Variants in IMPG1 observed in about 807,000 individuals in gnomAD.
IMPG1 encodes interphotoreceptor matrix proteoglycan of 150 kDa.
Under a neutral mutation model 92.0 loss-of-function variants are expected in IMPG1, and 85 were observed. That is an observed-to-expected ratio of 0.92 (90% CI 0.78 to 1.11). The LOEUF is 1.11. Ranked by LOEUF, IMPG1 falls within the 50% of genes least tolerant of loss-of-function variation. The pLI is 0.00. For missense variants in IMPG1, 1,022 were observed against 956.0 expected (o/e 1.07, Z -0.91); for synonymous variants, 367 against 334.1 (o/e 1.10, Z -1.08).
chr6:76,006,913 ACTGATCACGTGTATT>A (rs1783108294), intron 9 of IMPG1, among the ~76,000 whole-genome samples: 1 of 151,808 alleles, frequency 6.6e-6, no homozygotes, highest in Non-Finnish European at 1.5e-5. Context: ...GGCCACAGAA[ACTGATCACGTGTATT>A]CTTGGTGGTT....
At chr6:76,049,770 G>A (rs993174361) in intron 1 of IMPG1, among the ~76,000 whole-genome samples, 8 of 152,190 alleles carry the variant, frequency 5.3e-5, no homozygotes, top group African/African-American at 1.9e-4. Context: ...AGGGTCTTAT[G>A]AAAGACCTGG....
intron 1 of IMPG1, among the ~76,000 whole-genome samples, chr6:76,063,094 C>G (rs1468878862): frequency 6.6e-6 from 1 of 151,862 alleles, no homozygotes; most frequent in African/African-American, 2.4e-5. Flanking sequence ...GTCACAGCTA[C>G]TTGGGAGGCT....
At chr6:75,987,453 C>G in intron 12 of IMPG1, among the ~76,000 whole-genome samples, 1 of 148,334 alleles carries the variant, frequency 6.7e-6, no homozygotes, top group Non-Finnish European at 1.5e-5. Flanking sequence ...GTCCCTCCCC[C>G]TCCCCCCTGC....
intron 15 of IMPG1, among the ~76,000 whole-genome samples, chr6:75,925,394 A>C (rs903510475): frequency 3.3e-5 from 5 of 152,128 alleles, no homozygotes; most frequent in Non-Finnish European, 5.9e-5. Flanking sequence ...CTTCCTATAT[A>C]TATATATTCC....
At chr6:75,929,634 G>GTGTATA (rs1781630125) in intron 15 of IMPG1, among the ~76,000 whole-genome samples, 2 of 150,834 alleles carry the variant, frequency 1.3e-5, no homozygotes, top group African/African-American at 2.4e-5. Context: ...CACCAGCATG[G>GTGTATA]CACATGTATA....
chr6:75,989,258 G>A (rs1432019354), intron 12 of IMPG1, among the ~76,000 whole-genome samples: 3 of 152,026 alleles, frequency 2.0e-5, no homozygotes, highest in African/African-American at 7.3e-5. Context: ...GCTAATTTTT[G>A]TTTCTCGAAT....
chr6:75,989,250 T>C (rs978045864), intron 12 of IMPG1, among the ~76,000 whole-genome samples: 4 of 152,166 alleles, frequency 2.6e-5, no homozygotes, highest in Non-Finnish European at 5.9e-5. Flanking sequence ...TGTGCCTGGC[T>C]AATTTTTGTT....
At chr6:76,031,483 T>C (rs928469807) in intron 4 of IMPG1, among the ~76,000 whole-genome samples, 8 of 152,242 alleles carry the variant, frequency 5.3e-5, no homozygotes, top group South Asian at 2.1e-4. Context: ...GAACAGATGT[T>C]AGTTGTAAAC....
intron 1 of IMPG1, among the ~76,000 whole-genome samples, chr6:76,063,304 A>T (rs956685201): frequency 6.6e-6 from 1 of 152,194 alleles, no homozygotes; most frequent in Non-Finnish European, 1.5e-5. Context: ...ATGATTTTAC[A>T]CAGAATTTCA....
chr6:76,019,255 T>G (rs754764566), intron 6 of IMPG1, among the ~76,000 whole-genome samples: 1 of 152,296 alleles, frequency 6.6e-6, no homozygotes, highest in Middle Eastern at 3.4e-3. Context: ...CAGGGGTTTC[T>G]CATTGCTCTG....
In IMPG1 at chr6:76,052,643, A is replaced by T. The variant is rs990138473; in HGVS notation, c.68-10517T>A. On this transcript the variant is annotated intron_variant, in intron 1 of 16. Coordinates refer to ENST00000369950, the MANE Select transcript of IMPG1 (RefSeq NM_001563.4). ...ACATTGCTTCTTCATGGAGTACTAA[A>T]TTTACTTTGGCAATTTTAGCAAACA... 2.6e-5 allele frequency among the ~76,000 whole-genome samples: 4 copies of T among 152,294 alleles called. No individual in the cohort carries two copies. In the South Asian group the frequency reaches 8.3e-4, roughly 32 times the overall value.
intron 12 of IMPG1, among the ~76,000 whole-genome samples, chr6:75,967,467 G>A (rs1323402127): frequency 6.6e-6 from 1 of 152,024 alleles, no homozygotes; most frequent in Admixed American, 6.5e-5. Flanking sequence ...TGAGGCGTGG[G>A]TCCTCAACAG....
chr6:76,022,350 C>G (rs918458231), intron 5 of IMPG1, 131 bp from the exon 6 acceptor site: 2 of 457,400 alleles, frequency 4.4e-6, no homozygotes, highest in Non-Finnish European at 8.3e-6. Flanking sequence ...CTGAACTCAT[C>G]TTTTTAAGAT....
At chr6:76,058,057 T>A (rs2127597256) in intron 1 of IMPG1, among the ~76,000 whole-genome samples, 1 of 152,288 alleles carries the variant, frequency 6.6e-6, no homozygotes, top group Middle Eastern at 3.4e-3. Context: ...TCTTTGCCAG[T>A]GAATTTTGTG....
At chr6:76,038,006 T>C (rs1783770091) in intron 2 of IMPG1, among the ~76,000 whole-genome samples, 2 of 152,208 alleles carry the variant, frequency 1.3e-5, no homozygotes, top group South Asian at 2.1e-4. Context: ...CTGCTCCCAG[T>C]TGAGCCCAAA....
chr6:76,021,370 T>C (rs1783421612), intron 6 of IMPG1, among the ~76,000 whole-genome samples: 2 of 152,176 alleles, frequency 1.3e-5, no homozygotes, highest in Non-Finnish European at 2.9e-5. Context: ...CCTGACAACC[T>C]TGGACACATG....
Position 75,931,099 on chromosome 6 carries a change from A to C in IMPG1, c.2097T>G (p.Cys699Trp). The C allele has an allele frequency of 6.2e-7, 1 of 1,614,128 alleles. No individual in the cohort carries two copies. Among genetic ancestry groups the C allele is most frequent in the Non-Finnish European group, 8.5e-7 (1 of 1,180,006 alleles). ...KFLACGEFAQ[C>W]VKNERTEEAE... ...CTTCCTCAGTCCGTTCGTTCTTTAC[A>C]CATTGGGCAAATTCGCCGCAGGCCA... The change falls in exon 15 of 17, where the codon TGT (cysteine) becomes TGG (tryptophan). Residue 699 changes from cysteine (C) to tryptophan (W), a missense_variant. Transcript: ENST00000369950.
Position 75,970,954 on chromosome 6 carries a change from A to C in IMPG1, c.1292-19860T>G, listed in dbSNP as rs529769894. 5.8e-4 allele frequency among the ~76,000 whole-genome samples: 88 copies of C among 152,248 alleles called. 1 individual carries two copies. Among genetic ancestry groups the C allele is most frequent in the Admixed American group, 1.6e-3 (24 of 15,284 alleles). On this transcript the variant is annotated intron_variant, in intron 12 of 16. Coordinates refer to ENST00000369950, the MANE Select transcript of IMPG1 (RefSeq NM_001563.4). ...AACTAGAAATACCATTTGACCCAGC[A>C]ATCCCATTACTAGGTACATACCCAA...
At chr6:75,930,352 G>A (rs1485930571) in intron 15 of IMPG1, among the ~76,000 whole-genome samples, 2 of 152,140 alleles carry the variant, frequency 1.3e-5, no homozygotes, top group African/African-American at 4.8e-5. Context: ...TTTCTATTGT[G>A]CTTTAGAAAA....
Sources: allele counts gnomAD v4.1 joint callset (sites outside exome capture counted in the v4.1 genomes callset), GRCh38; gene constraint gnomAD v4.1.1; transcripts MANE v1.5; gene names NCBI Gene and HGNC (gene_info 2026-07-23, HGNC 2026-07-21).